Variants in MAML3 observed in about 807,000 individuals in gnomAD.
MAML3 encodes the protein mastermind-like protein 3.
Under a neutral mutation model 101.9 loss-of-function variants are expected in MAML3, and 27 were observed. The ratio of observed to expected loss-of-function variants is 0.27; its 90% CI spans 0.20 to 0.37. The LOEUF is 0.37. MAML3 is among the 10% of genes least tolerant of loss of function. The probability of loss-of-function intolerance (pLI) is 1.00; values close to 1 mark genes in which losing one functional copy is unlikely to be tolerated. For synonymous variants in MAML3, 501 were observed against 555.9 expected, an observed-to-expected ratio of 0.90 and a Z score of 1.39; for missense variants, 1,316 against 1,444.9, an observed-to-expected ratio of 0.91 and a Z score of 1.45.
rs189538547 is a variant in MAML3, at chr4:139,941,840, C to A, written c.469-50873G>T. Among the ~76,000 whole-genome samples, 547 of 152,014 alleles carry A rather than the reference C, an allele frequency of 3.6e-3. 1 individual carries two copies. The highest frequency in any genetic ancestry group is 0.013 in the African/African-American group (528 of 41,482). ...ATCTTCTCTTACTTCACATTAGAAA[C>A]CTTTAATACCAAGCCGGTCACGATG... On this transcript the variant is annotated intron_variant, in intron 1 of 4. Transcript: ENST00000509479.
chr4:139,817,931 A>G (rs892893228), intron 2 of MAML3, among the ~76,000 whole-genome samples: 2 of 152,192 alleles, frequency 1.3e-5, no homozygotes, highest in East Asian at 3.8e-4. Context: ...TGTAGCTGGA[A>G]TGCTCTGCCT....
At chr4:139,850,902 T>C (rs540293766) in intron 2 of MAML3, among the ~76,000 whole-genome samples, 5 of 146,830 alleles carry the variant, frequency 3.4e-5, no homozygotes, top group African/African-American at 1.3e-4. Context: ...ATTTGCAAGA[T>C]TAAAAAAAAA....
intron 1 of MAML3, among the ~76,000 whole-genome samples, chr4:139,930,834 A>G (rs1733376717): frequency 6.6e-6 from 1 of 152,034 alleles, no homozygotes; most frequent in South Asian, 2.1e-4. Flanking sequence ...TTATGTTACC[A>G]ACTGATTTCA....
chr4:139,797,619 G>A (rs1290858876), intron 2 of MAML3, among the ~76,000 whole-genome samples: 1 of 152,056 alleles, frequency 6.6e-6, no homozygotes, highest in African/African-American at 2.4e-5. Flanking sequence ...CCAGATTGAG[G>A]GGTAGTTCAC....
At chr4:140,069,722 G>A (rs1195568968) in intron 1 of MAML3, among the ~76,000 whole-genome samples, 3 of 151,918 alleles carry the variant, frequency 2.0e-5, no homozygotes, top group African/African-American at 4.8e-5. Context: ...AAAGAAGAAA[G>A]AAGAAGGAGC....
intron 2 of MAML3, among the ~76,000 whole-genome samples, chr4:139,797,998 A>G (rs1173969612): frequency 6.6e-6 from 1 of 151,318 alleles, no homozygotes; most frequent in Non-Finnish European, 1.5e-5. Flanking sequence ...GCACTTAAGA[A>G]AAAAAGAAAG....
intron 1 of MAML3, among the ~76,000 whole-genome samples, chr4:139,952,235 TG>T (rs1733843211): frequency 6.6e-6 from 1 of 152,198 alleles, no homozygotes; most frequent in East Asian, 1.9e-4. Flanking sequence ...GACTGTGAGT[TG>T]GGGATTCTGG....
intron 2 of MAML3, among the ~76,000 whole-genome samples, chr4:139,741,462 G>A (rs1167655347): frequency 2.0e-5 from 3 of 152,138 alleles, no homozygotes; most frequent in African/African-American, 7.2e-5. Flanking sequence ...GCTTTAAATT[G>A]TGCCCTGAGC....
intron 1 of MAML3, among the ~76,000 whole-genome samples, chr4:140,125,316 C>T (rs1213401671): frequency 6.6e-6 from 1 of 152,086 alleles, no homozygotes; most frequent in Non-Finnish European, 1.5e-5. Flanking sequence ...GCCTGTAGTC[C>T]CAGCTACTTG....
chr4:139,842,718 G>C (rs1461928338), intron 2 of MAML3, among the ~76,000 whole-genome samples: 1 of 130,764 alleles, frequency 7.6e-6, no homozygotes, highest in Non-Finnish European at 1.5e-5. Flanking sequence ...AGGTTTCACC[G>C]TGTTGGTCAG....
At chr4:139,953,657 A>G (rs1170857834) in intron 1 of MAML3, among the ~76,000 whole-genome samples, 1 of 152,230 alleles carries the variant, frequency 6.6e-6, no homozygotes, top group Non-Finnish European at 1.5e-5. Context: ...AAAAGAATCC[A>G]GTTTTTAGAT....
chr4:139,759,476 C>A (rs1036173226), intron 2 of MAML3, among the ~76,000 whole-genome samples: 7 of 152,204 alleles, frequency 4.6e-5, no homozygotes, highest in Admixed American at 2.0e-4. Flanking sequence ...GCATCTCTCC[C>A]TTACAATTTT....
At chr4:139,928,657 A>C (rs183611166) in intron 1 of MAML3, among the ~76,000 whole-genome samples, 1 of 152,154 alleles carries the variant, frequency 6.6e-6, no homozygotes, top group East Asian at 1.9e-4. Context: ...CATGTCAAGG[A>C]AACAGAAAAG....
intron 1 of MAML3, among the ~76,000 whole-genome samples, chr4:139,909,210 C>T (rs1732873647): frequency 6.6e-6 from 1 of 152,094 alleles, no homozygotes; most frequent in Admixed American, 6.5e-5. Flanking sequence ...ACATCTGACC[C>T]CTACTATACC....
At chr4:140,008,539 G>A (rs1390998639) in intron 1 of MAML3, among the ~76,000 whole-genome samples, 1 of 152,122 alleles carries the variant, frequency 6.6e-6, no homozygotes. Context: ...AAGGAACTAC[G>A]AAGTGGAACT....
Position 139,889,470 on chromosome 4 carries a change from G to A in MAML3, c.1966C>T (p.Leu656Phe). Reference protein sequence around the residue: ...QQQQQPPPPQLQAPRAHLSED... With the variant: ...QQQQQPPPPQFQAPRAHLSED... ...CTCAGGTGTGCCCTGGGGGCCTGGA[G>A]CTGTGGAGGTGGCGGCTGCTGCTGC... is the stretch of plus-strand genomic sequence containing the variant. The change falls in exon 2 of 5, where the codon CTC becomes TTC. Residue 656 changes from leucine (L) to phenylalanine (F), a missense_variant. Leu to Phe is a conservative substitution (Grantham distance 22). Coordinates refer to ENST00000509479, the MANE Select transcript of MAML3 (RefSeq NM_018717.5). 1.2e-6 allele frequency: 2 copies of A among 1,614,022 alleles called. No homozygotes were observed. The highest frequency in any genetic ancestry group is 1.1e-5 in the South Asian group (1 of 91,086).
At chr4:139,949,010 T>C (rs1423539169) in intron 1 of MAML3, among the ~76,000 whole-genome samples, 1 of 150,082 alleles carries the variant, frequency 6.7e-6, no homozygotes, top group African/African-American at 2.5e-5. Context: ...GTAGTAGAAA[T>C]TTTTTTTTTC....
At chr4:139,888,126 C>T (rs1471202886) in intron 2 of MAML3, among the ~76,000 whole-genome samples, 3 of 152,146 alleles carry the variant, frequency 2.0e-5, no homozygotes, top group African/African-American at 7.2e-5. Flanking sequence ...AGGCCTGTCT[C>T]TGCAGGCCAG....
chr4:139,961,086 G>A (rs531201510), intron 1 of MAML3, among the ~76,000 whole-genome samples: 3 of 152,098 alleles, frequency 2.0e-5, no homozygotes, highest in African/African-American at 7.2e-5. Flanking sequence ...ACCACCTCTC[G>A]ACTGCACTAC....
Sources: gnomAD v4.1 joint callset for allele counts (sites outside exome capture counted in the v4.1 genomes callset) on GRCh38, gnomAD v4.1.1 for gene constraint, MANE v1.5 for transcripts, NCBI Gene and HGNC (gene_info 2026-07-23, HGNC 2026-07-21) for gene names.